PRDM5: variants seen among roughly 807,000 people sequenced by gnomAD.
PRDM5 encodes PR/SET domain 5, also known as PR domain zinc finger protein 5.
Under a neutral mutation model 81.2 loss-of-function variants are expected in PRDM5, and 56 were observed. The ratio of observed to expected loss-of-function variants is 0.69; its 90% CI spans 0.56 to 0.86. The LOEUF (loss-of-function observed/expected upper bound fraction) is 0.86. PRDM5 is among the 40% of genes least tolerant of loss of function. PRDM5 has a pLI of 0.00. For synonymous variants in PRDM5, 267 were observed against 256.4 expected (o/e 1.04, Z -0.39); for missense variants, 697 against 770.1 (o/e 0.91, Z 1.12).
intron 2 of PRDM5, among the ~76,000 whole-genome samples, chr4:120,860,554 G>A (rs1760448632): frequency 6.6e-6 from 1 of 151,734 alleles, no homozygotes; most frequent in Non-Finnish European, 1.5e-5. Flanking sequence ...TGGCATTTCT[G>A]GACAGATAGG....
At chr4:120,750,426 G>A (rs1217893093) in intron 14 of PRDM5, among the ~76,000 whole-genome samples, 1 of 152,166 alleles carries the variant, frequency 6.6e-6, no homozygotes, top group Non-Finnish European at 1.5e-5. Context: ...AAGGTACACA[G>A]GATCTGCCAA....
At chr4:120,717,071 A>AACC (rs1560956475) in intron 14 of PRDM5, among the ~76,000 whole-genome samples, 1 of 151,868 alleles carries the variant, frequency 6.6e-6, no homozygotes, top group Non-Finnish European at 1.5e-5. Context: ...TGAAAAAAAA[A>AACC]AAAAAAAACT....
rs544608274 is a variant in PRDM5 at position 120,858,864 on chromosome 4, G to A, written c.178-5324C>T. Among the ~76,000 whole-genome samples the A allele has an allele frequency of 2.6e-5, 4 of 152,282 alleles. No individual in the cohort carries two copies. In the South Asian group the frequency reaches 8.3e-4, roughly 32 times the overall value. On this transcript the variant is annotated intron_variant, in intron 2 of 15. Transcript: ENST00000264808. ...ACAAATATTTAAATTTCAAGTGGAA[G>A]AAAATCATTCTGGAGTGGTAAAGAT...
intron 2 of PRDM5, among the ~76,000 whole-genome samples, chr4:120,854,654 A>T (rs1352403100): frequency 6.6e-6 from 1 of 152,200 alleles, no homozygotes; most frequent in African/African-American, 2.4e-5. Flanking sequence ...CCCAGAGCAC[A>T]TGGAACTTAA....
intron 10 of PRDM5, among the ~76,000 whole-genome samples, chr4:120,788,102 C>T (rs1333507276): frequency 6.6e-6 from 1 of 152,146 alleles, no homozygotes; most frequent in Non-Finnish European, 1.5e-5. Flanking sequence ...GACAAATGTG[C>T]ACATCCCTTG....
chr4:120,747,169 TA>T, intron 14 of PRDM5, among the ~76,000 whole-genome samples: 1 of 150,220 alleles, frequency 6.7e-6, no homozygotes, highest in East Asian at 2.0e-4. Flanking sequence ...TCATTCTCAG[TA>T]AACTATCGCA....
chr4:120,694,599 G>A lies in PRDM5; in HGVS notation c.*512C>T, dbSNP rs140251783. ...AACTATTTATTTTCCTATCAAACTT[G>A]AGACTTTGATAACTTATTCTTATCC... On this transcript the variant is annotated 3_prime_UTR_variant, in exon 16 of 16. Transcript: ENST00000264808. 1.3e-5 allele frequency: 2 copies of A among 155,808 alleles called. No homozygotes were observed. The highest frequency in any genetic ancestry group is 4.8e-5 in the African/African-American group (2 of 41,416). 9.7% of individuals were successfully genotyped at this position (155,808 alleles called of 1,614,324 possible).
intron 1 of PRDM5, among the ~76,000 whole-genome samples, chr4:120,686,013 C>A (rs952621168): frequency 6.6e-6 from 1 of 151,954 alleles, no homozygotes; most frequent in Non-Finnish European, 1.5e-5. Context: ...CTTGTGAGAT[C>A]TGGTTGTTTA....
At position 120,808,429 on chromosome 4, in the gene PRDM5, T is replaced by C. The variant is rs145108261; in HGVS notation, c.945+2941A>G. On this transcript the variant is annotated intron_variant, in intron 8 of 15. Coordinates refer to ENST00000264808, the MANE Select transcript of PRDM5 (RefSeq NM_018699.4). ...CCCTGAGCTAGACACAGGGTGCTGATTGGTGTGTTTATAAACCTTGAACTA... is the reference window on the plus strand; with the variant it reads ...CCCTGAGCTAGACACAGGGTGCTGACTGGTGTGTTTATAAACCTTGAACTA... Among the ~76,000 whole-genome samples, 914 of 152,252 alleles carry C rather than the reference T, an allele frequency of 6.0e-3. 11 individuals carry two copies. The highest frequency in any genetic ancestry group is 0.021 in the African/African-American group (867 of 41,546).
chr4:120,863,414 C>A (rs1760863126), intron 2 of PRDM5, among the ~76,000 whole-genome samples: 1 of 151,818 alleles, frequency 6.6e-6, no homozygotes, highest in South Asian at 2.1e-4. Context: ...CCTGCGAGTT[C>A]TTCTAAAAAA....
At chr4:120,892,360 G>A (rs72923563) in intron 2 of PRDM5, among the ~76,000 whole-genome samples, 18 of 152,116 alleles carry the variant, frequency 1.2e-4, no homozygotes, top group Admixed American at 2.6e-4. Flanking sequence ...TTCAGGTCCC[G>A]AACGTCACTG....
chr4:120,778,452 C>T (rs1748503758), intron 12 of PRDM5, among the ~76,000 whole-genome samples: 1 of 152,108 alleles, frequency 6.6e-6, no homozygotes, highest in South Asian at 2.1e-4. Flanking sequence ...AGAACCATCA[C>T]CATAGCAAAA....
intron 14 of PRDM5, among the ~76,000 whole-genome samples, chr4:120,724,054 T>C (rs991096610): frequency 1.3e-5 from 2 of 150,378 alleles, no homozygotes; most frequent in East Asian, 2.0e-4. Context: ...AAGAAAAATA[T>C]TAAATACTTC....
intron 2 of PRDM5, among the ~76,000 whole-genome samples, chr4:120,863,088 T>C (rs1256190057): frequency 6.8e-6 from 1 of 146,246 alleles, no homozygotes; most frequent in African/African-American, 2.6e-5. Context: ...AACCCAGGAG[T>C]TGCAGGCTGC....
chr4:120,871,900 C>T (rs1003925225), intron 2 of PRDM5, among the ~76,000 whole-genome samples: 6 of 151,942 alleles, frequency 3.9e-5, no homozygotes, highest in Non-Finnish European at 8.8e-5. Context: ...CGCCTGTTAT[C>T]CCAACACTTT....
At chr4:120,696,022 G>C (rs1239983429) in intron 15 of PRDM5, among the ~76,000 whole-genome samples, 1 of 152,050 alleles carries the variant, frequency 6.6e-6, no homozygotes, top group Non-Finnish European at 1.5e-5. Flanking sequence ...AGTTTTAATT[G>C]AGGTTAGGCT....
intron 1 of PRDM5, among the ~76,000 whole-genome samples, chr4:120,917,681 A>C (rs1328083466): frequency 0.022 from 1 of 46 alleles, no homozygotes. Context: ...TCAGACATTA[A>C]AAAAAAAAAA....
intron 13 of PRDM5, among the ~76,000 whole-genome samples, chr4:120,765,520 A>G (rs747009723): frequency 6.6e-6 from 1 of 152,178 alleles, no homozygotes; most frequent in South Asian, 2.1e-4. Context: ...GTGCTCTACT[A>G]TTTCAGCTGA....
intron 14 of PRDM5, among the ~76,000 whole-genome samples, chr4:120,743,847 C>T (rs1259244273): frequency 1.3e-5 from 2 of 148,322 alleles, no homozygotes; most frequent in African/African-American, 5.0e-5. Flanking sequence ...TTTAACACCC[C>T]ACTGTCAACA....
Sources: gnomAD v4.1 joint callset for allele counts (sites outside exome capture counted in the v4.1 genomes callset) on GRCh38, gnomAD v4.1.1 for gene constraint, MANE v1.5 for transcripts, NCBI Gene and HGNC (gene_info 2026-07-23, HGNC 2026-07-21) for gene names.